The following TSHR variants were observed in gnomAD, a reference collection of about 807,000 sequenced individuals.
TSHR encodes thyrotropin receptor.
TSHR carries 51 observed loss-of-function variants against 64.1 expected under a neutral mutation model. That is an observed-to-expected ratio of 0.80 (90% CI 0.64 to 1.01). The LOEUF is 1.01. Among genes scored for constraint, TSHR ranks in the 50% least tolerant of loss-of-function variants. TSHR has a pLI of 0.00. For missense variants in TSHR, 877 were observed against 942.8 expected, an observed-to-expected ratio of 0.93 and a Z score of 0.91; for synonymous variants, 361 against 361.9, an observed-to-expected ratio of 1.00 and a Z score of 0.03.
chr14:80,982,441 G>C, intron 1 of TSHR: 1 of 1,200,242 alleles, frequency 8.3e-7, no homozygotes, highest in Non-Finnish European at 1.1e-6. Context: ...TGAGGAGTTG[G>C]AGCCTGTGAC....
intron 1 of TSHR, among the ~76,000 whole-genome samples, chr14:81,008,902 C>T (rs11851120): frequency 0.097 from 14,746 of 152,152 alleles, 2,310 homozygotes; most frequent in African/African-American, 0.33. Flanking sequence ...TGTACCCATA[C>T]AATATGAAAT....
chr14:80,982,470 T>C, intron 1 of TSHR: 1 of 1,102,460 alleles, frequency 9.1e-7, no homozygotes, highest in Non-Finnish European at 1.2e-6. Context: ...GTTGCAAACC[T>C]AGGTCTGGGG....
chr14:81,124,344 A>T (rs1296845147), intron 8 of TSHR, among the ~76,000 whole-genome samples: 1 of 152,100 alleles, frequency 6.6e-6, no homozygotes, highest in Admixed American at 6.5e-5. Context: ...TTCTAGGATG[A>T]TCCTGAGCAA....
rs568917329 is a variant in TSHR at position 81,108,941 on chromosome 14, T to A, written c.692+489T>A. ...GAATAAAAACATTTTTTAAACAGCA[T>A]GAAAACATACCTATTTGTGCATTTC... On this transcript the variant is annotated intron_variant, in intron 8 of 9. Coordinates refer to ENST00000298171, the MANE Select transcript of TSHR (RefSeq NM_000369.5). 3.7e-6 allele frequency: 5 copies of A among 1,368,912 alleles called. No homozygotes were observed. The South Asian group carries it at 7.8e-5, about 21-fold the overall frequency. The allele number at this position is 1,368,912 out of a possible 1,614,324, so 84.8% of individuals were successfully genotyped here.
chr14:81,115,460 C>T (rs369482069), intron 8 of TSHR, among the ~76,000 whole-genome samples: 15,174 of 142,136 alleles, frequency 0.11, 1,992 homozygotes, highest in African/African-American at 0.23. Context: ...TGAAATGAAG[C>T]GAGAAGGGAA....
chr14:81,022,136 G>T (rs1479344043), intron 1 of TSHR, among the ~76,000 whole-genome samples: 2 of 151,222 alleles, frequency 1.3e-5, no homozygotes, highest in African/African-American at 2.4e-5. Flanking sequence ...CAGGCGTGGT[G>T]GTGGGTGCCT....
intron 7 of TSHR, among the ~76,000 whole-genome samples, chr14:81,102,150 A>C (rs8006464): frequency 0.11 from 16,674 of 149,370 alleles, 2,618 homozygotes; most frequent in African/African-American, 0.35. Flanking sequence ...CCAGCCTGGG[A>C]GACTGAGAGA....
chr14:81,059,385 C>T (rs72689938), intron 1 of TSHR, among the ~76,000 whole-genome samples: 13 of 152,170 alleles, frequency 8.5e-5, no homozygotes, highest in Non-Finnish European at 1.8e-4. Flanking sequence ...GCAATTTATA[C>T]CAAAAGTCAA....
chr14:80,983,238 T>G, intron 1 of TSHR: 5 of 1,258,018 alleles, frequency 4.0e-6, no homozygotes, highest in Non-Finnish European at 4.3e-6. Context: ...CACCATGTCA[T>G]TTCCTTTGAA....
At chr14:80,982,429 G>C (rs1888221839) in intron 1 of TSHR, 1 of 1,234,806 alleles carries the variant, frequency 8.1e-7, no homozygotes, top group African/African-American at 1.5e-5. Flanking sequence ...CCAGGTCTGT[G>C]CTGAGGAGTT....
chr14:81,126,314 G>A (rs923680153), intron 8 of TSHR, among the ~76,000 whole-genome samples: 3 of 152,110 alleles, frequency 2.0e-5, no homozygotes, highest in African/African-American at 7.2e-5. Context: ...CTGACTAACA[G>A]TGCAACTACT....
chr14:81,141,919 T>A (rs1360717425), intron 9 of TSHR, among the ~76,000 whole-genome samples: 1 of 152,154 alleles, frequency 6.6e-6, no homozygotes, highest in African/African-American at 2.4e-5. Flanking sequence ...GGTGCTATTG[T>A]AAGAGCCTTA....
chr14:81,065,802 T>C (rs553360730), intron 2 of TSHR, among the ~76,000 whole-genome samples: 2 of 152,196 alleles, frequency 1.3e-5, no homozygotes, highest in Non-Finnish European at 2.9e-5. Flanking sequence ...TGAATAATGA[T>C]TAAAGATTTG....
At chr14:81,089,590 A>G (rs1888567300) in intron 4 of TSHR, among the ~76,000 whole-genome samples, 2 of 152,200 alleles carry the variant, frequency 1.3e-5, no homozygotes, top group South Asian at 4.1e-4. Context: ...AAAGTGACGA[A>G]GGAGAGACAT....
At chr14:80,967,223 G>A (rs947145318) in intron 1 of TSHR, among the ~76,000 whole-genome samples, 1 of 148,920 alleles carries the variant, frequency 6.7e-6, no homozygotes, top group African/African-American at 2.5e-5. Context: ...TTTTTGGAAT[G>A]AGATAAGAAG....
chr14:81,044,195 AG>A (rs2139851816), intron 1 of TSHR, among the ~76,000 whole-genome samples: 1 of 152,344 alleles, frequency 6.6e-6, no homozygotes, highest in African/African-American at 2.4e-5. Flanking sequence ...CATCTGACAA[AG>A]GTCTAATATC....
At chr14:80,976,024 G>C (rs1018291547) in intron 1 of TSHR, among the ~76,000 whole-genome samples, 7 of 151,530 alleles carry the variant, frequency 4.6e-5, no homozygotes, top group Admixed American at 1.3e-4. Flanking sequence ...CCATTCTCCT[G>C]CCTCAGCCTC....
At chr14:81,065,560 G>T (rs1213361214) in intron 2 of TSHR, among the ~76,000 whole-genome samples, 1 of 152,110 alleles carries the variant, frequency 6.6e-6, no homozygotes, top group Admixed American at 6.5e-5. Flanking sequence ...GCTTCCCCCA[G>T]GGAGACTGCT....
At chr14:81,022,758 T>C (rs1032767558) in intron 1 of TSHR, among the ~76,000 whole-genome samples, 6 of 151,728 alleles carry the variant, frequency 4.0e-5, no homozygotes, top group Admixed American at 1.3e-4. Context: ...GAGGCAGAGG[T>C]TGCAGGGAGC....
Sources: gnomAD v4.1 joint callset for allele counts (sites outside exome capture counted in the v4.1 genomes callset) on GRCh38, gnomAD v4.1.1 for gene constraint, MANE v1.5 for transcripts, NCBI Gene and HGNC (gene_info 2026-07-23, HGNC 2026-07-21) for gene names.